RASAL2: variants seen among roughly 807,000 people sequenced by gnomAD.
The protein encoded by RASAL2 is RAS protein activator like 2, also known as ras GTPase-activating protein nGAP.
RASAL2 carries 58 observed loss-of-function variants against 128.9 expected under a neutral mutation model. That is an observed-to-expected ratio of 0.45 (90% CI 0.36 to 0.56). RASAL2 has a LOEUF of 0.56. Ranked by LOEUF, RASAL2 falls within the 20% of genes least tolerant of loss-of-function variation. The probability of loss-of-function intolerance (pLI) is 0.00; values close to 1 mark genes in which losing one functional copy is unlikely to be tolerated. For missense variants in RASAL2, 1,360 were observed against 1,601.6 expected, an observed-to-expected ratio of 0.85 and a Z score of 2.57; for synonymous variants, 561 against 580.8, an observed-to-expected ratio of 0.97 and a Z score of 0.49.
At chr1:178,351,927 T>C (rs755719788) in intron 3 of RASAL2, among the ~76,000 whole-genome samples, 10 of 152,146 alleles carry the variant, frequency 6.6e-5, no homozygotes, top group Non-Finnish European at 1.2e-4. Flanking sequence ...AAACATACTC[T>C]TTGAGGCTGA....
chr1:178,161,094 T>C (rs1661272842), intron 1 of RASAL2, among the ~76,000 whole-genome samples: 1 of 110,894 alleles, frequency 9.0e-6, no homozygotes, highest in Admixed American at 1.1e-4. Context: ...TCTAACACAT[T>C]TTTTTCCCTC....
At chr1:178,334,273 T>C (rs1028558964) in intron 3 of RASAL2, among the ~76,000 whole-genome samples, 6 of 152,206 alleles carry the variant, frequency 3.9e-5, no homozygotes, top group Admixed American at 3.3e-4. Context: ...GATTATTTAT[T>C]GGTTTGTTTC....
At chr1:178,354,786 G>A (rs1670712445) in intron 3 of RASAL2, among the ~76,000 whole-genome samples, 2 of 152,138 alleles carry the variant, frequency 1.3e-5, no homozygotes, top group Non-Finnish European at 2.9e-5. Flanking sequence ...AAACTATAAA[G>A]CTTTATTAGG....
At chr1:178,352,988 T>C (rs1009164037) in intron 3 of RASAL2, among the ~76,000 whole-genome samples, 5 of 152,206 alleles carry the variant, frequency 3.3e-5, no homozygotes, top group African/African-American at 1.2e-4. Flanking sequence ...AACCATTTTG[T>C]TTTCTTGGGC....
At chr1:178,183,126 C>A (rs185167846) in intron 1 of RASAL2, among the ~76,000 whole-genome samples, 34 of 152,218 alleles carry the variant, frequency 2.2e-4, no homozygotes, top group Non-Finnish European at 1.5e-5. Context: ...CAGTTAGGGA[C>A]CCCTGAACTA....
intron 1 of RASAL2, among the ~76,000 whole-genome samples, chr1:178,164,673 A>G (rs1661456368): frequency 1.3e-5 from 2 of 152,110 alleles, no homozygotes; most frequent in South Asian, 4.1e-4. Flanking sequence ...GTTACTGAGC[A>G]TGGCATTAAA....
intron 1 of RASAL2, among the ~76,000 whole-genome samples, chr1:178,150,982 G>A (rs1182614148): frequency 6.6e-6 from 1 of 152,042 alleles, no homozygotes; most frequent in Non-Finnish European, 1.5e-5. Flanking sequence ...GTGCTGAAGT[G>A]TTATCTAGTG....
chr1:178,243,028 T>A (rs939590114), intron 1 of RASAL2, among the ~76,000 whole-genome samples: 1 of 152,192 alleles, frequency 6.6e-6, no homozygotes, highest in Non-Finnish European at 1.5e-5. Flanking sequence ...ATTTTCCTGG[T>A]TCTTGGTGTG....
chr1:178,450,314 G>C (rs924771963), intron 9 of RASAL2, among the ~76,000 whole-genome samples: 1 of 152,108 alleles, frequency 6.6e-6, no homozygotes, highest in Admixed American at 6.6e-5. Context: ...AAACAAGACA[G>C]CTGAAACTCA....
At chr1:178,188,928 C>G (rs566906798) in intron 1 of RASAL2, among the ~76,000 whole-genome samples, 1 of 152,012 alleles carries the variant, frequency 6.6e-6, no homozygotes, top group Non-Finnish European at 1.5e-5. Flanking sequence ...ACTGAGTTCA[C>G]TTAATATAGA....
chr1:178,294,385 A>G (rs977191598), intron 2 of RASAL2, among the ~76,000 whole-genome samples: 2 of 152,178 alleles, frequency 1.3e-5, no homozygotes, highest in Admixed American at 1.3e-4. Context: ...CCTCAGGATG[A>G]CATGATCGTA....
chr1:178,411,600 A>C, intron 4 of RASAL2: 1 of 734,056 alleles, frequency 1.4e-6, no homozygotes, highest in South Asian at 1.4e-5. Flanking sequence ...GACGACATGC[A>C]GAAATGGCAC....
intron 3 of RASAL2, among the ~76,000 whole-genome samples, chr1:178,351,087 C>G (rs996671999): frequency 6.6e-6 from 1 of 152,112 alleles, no homozygotes; most frequent in Non-Finnish European, 1.5e-5. Flanking sequence ...AACCAGATCT[C>G]ATGAGAACTC....
At chr1:178,464,090 C>T (rs1231007573) in intron 14 of RASAL2, among the ~76,000 whole-genome samples, 188 bp from the exon 15 acceptor site, 1 of 152,174 alleles carries the variant, frequency 6.6e-6, no homozygotes, top group Non-Finnish European at 1.5e-5. Flanking sequence ...GAATAGTTTG[C>T]ACTTATACAA....
intron 1 of RASAL2, among the ~76,000 whole-genome samples, chr1:178,185,507 A>ATT (rs754934001): frequency 6.9e-6 from 1 of 145,528 alleles, no homozygotes; most frequent in Admixed American, 6.9e-5. Flanking sequence ...GGTTTTTTAA[A>ATT]TTTTTTTTTT....
intron 1 of RASAL2, among the ~76,000 whole-genome samples, chr1:178,133,322 A>G (rs1281416851): frequency 1.3e-5 from 2 of 152,152 alleles, no homozygotes; most frequent in Non-Finnish European, 2.9e-5. Context: ...AAAGCCTGTT[A>G]TCTGCCTTTC....
intron 1 of RASAL2, among the ~76,000 whole-genome samples, chr1:178,096,517 C>T (rs1341972371): frequency 2.0e-5 from 3 of 150,894 alleles, no homozygotes; most frequent in Non-Finnish European, 4.4e-5. Flanking sequence ...AGCAAGTTTA[C>T]ATTATGTTTT....
chr1:178,195,193 G>A (rs1441832737), intron 1 of RASAL2, among the ~76,000 whole-genome samples: 1 of 152,150 alleles, frequency 6.6e-6, no homozygotes, highest in Admixed American at 6.5e-5. Flanking sequence ...GTGTGGCTGG[G>A]ACCAGTGAGA....
At position 178,173,955 on chromosome 1, in the gene RASAL2, C is replaced by T. The variant is rs553221674; in HGVS notation, c.202+79261C>T. ...GTAATCAAGACTTTTCTCCTTAATT[C>T]CCCCCTCCCCACTATTAGTTATTTC... On this transcript the variant is annotated intron_variant, in intron 1 of 17. Coordinates refer to ENST00000367649, the MANE Select transcript of RASAL2 (RefSeq NM_170692.4). 1.7e-4 allele frequency among the ~76,000 whole-genome samples: 25 copies of T among 149,412 alleles called. 1 individual carries two copies. The South Asian group carries it at 4.4e-3, about 27-fold the overall frequency.
Sources: gnomAD v4.1 joint callset for allele counts (sites outside exome capture counted in the v4.1 genomes callset) on GRCh38, gnomAD v4.1.1 for gene constraint, MANE v1.5 for transcripts, NCBI Gene and HGNC (gene_info 2026-07-23, HGNC 2026-07-21) for gene names.